The following FUT8 variants were observed in gnomAD, a reference collection of about 807,000 sequenced individuals.
The protein encoded by FUT8 is fucosyltransferase 8, also known as alpha-(1,6)-fucosyltransferase.
In FUT8, 29 loss-of-function variants were observed where a neutral mutation model predicts 71.3. The ratio of observed to expected loss-of-function variants is 0.41; its 90% CI spans 0.30 to 0.55. FUT8 has a LOEUF of 0.55. FUT8 is among the 20% of genes least tolerant of loss of function. FUT8 has a pLI of 0.34. For missense variants in FUT8, 544 were observed against 702.1 expected (o/e 0.77, Z 2.55); for synonymous variants, 254 against 239.3 (o/e 1.06, Z -0.57).
chr14:65,585,978 G>A (rs1887358381), intron 3 of FUT8, among the ~76,000 whole-genome samples: 1 of 152,068 alleles, frequency 6.6e-6, no homozygotes, highest in Non-Finnish European at 1.5e-5. Flanking sequence ...ACAAGCAAGA[G>A]ATTAAAACAT....
the FUT8 span, among the ~76,000 whole-genome samples, chr14:65,363,549 G>A: frequency 1.3e-5 from 2 of 152,118 alleles, no homozygotes; most frequent in Non-Finnish European, 2.9e-5. Flanking sequence ...GAGCCACTGC[G>A]CCCGGCCAGG....
At chr14:65,711,470 G>A (rs1229627438) in intron 7 of FUT8, among the ~76,000 whole-genome samples, 1 of 151,830 alleles carries the variant, frequency 6.6e-6, no homozygotes, top group African/African-American at 2.4e-5. Context: ...ATGAGACTAG[G>A]GTTTTCCTTC....
intron 1 of FUT8, among the ~76,000 whole-genome samples, chr14:65,419,208 C>G (rs915106679): frequency 6.6e-6 from 1 of 151,928 alleles, no homozygotes; most frequent in Non-Finnish European, 1.5e-5. Context: ...TGCAGTGAGC[C>G]GAGATCTTGC....
chr14:65,443,991 A>G (rs941370228), intron 1 of FUT8, among the ~76,000 whole-genome samples: 5 of 152,208 alleles, frequency 3.3e-5, no homozygotes, highest in African/African-American at 9.6e-5. Context: ...ATTTTAATTT[A>G]GTAAAACAAA....
chr14:65,684,206 T>C (rs1893169631), intron 7 of FUT8, among the ~76,000 whole-genome samples: 1 of 152,114 alleles, frequency 6.6e-6, no homozygotes, highest in African/African-American at 2.4e-5. Flanking sequence ...TCAGTACATA[T>C]TCCTCTGTAT....
the FUT8 span, among the ~76,000 whole-genome samples, chr14:65,359,159 T>C: frequency 6.6e-6 from 1 of 152,198 alleles, no homozygotes; most frequent in African/African-American, 2.4e-5. Context: ...GGGGTTTGTC[T>C]TACTGTTTTC....
At chr14:65,568,404 T>C (rs918723342) in intron 3 of FUT8, among the ~76,000 whole-genome samples, 1 of 151,710 alleles carries the variant, frequency 6.6e-6, no homozygotes, top group African/African-American at 2.4e-5. Context: ...TTATTTTCTT[T>C]TATGTCCTGG....
intron 3 of FUT8, among the ~76,000 whole-genome samples, chr14:65,596,507 G>A (rs1408582743): frequency 6.6e-6 from 1 of 152,110 alleles, no homozygotes; most frequent in Non-Finnish European, 1.5e-5. Flanking sequence ...TACATGATCA[G>A]CTATTTTAAT....
intron 5 of FUT8, among the ~76,000 whole-genome samples, chr14:65,625,718 G>A (rs768142656): frequency 1.1e-4 from 16 of 152,164 alleles, no homozygotes; most frequent in African/African-American, 3.4e-4. Context: ...CCAAAGCATC[G>A]TTCAAAGTTG....
At chr14:65,361,212 C>T in the FUT8 span, among the ~76,000 whole-genome samples, 23 of 151,852 alleles carry the variant, frequency 1.5e-4, no homozygotes, top group East Asian at 9.7e-4. Context: ...AAAAATTAGC[C>T]GGGCGTGGTG....
chr14:65,468,423 C>A, intron 2 of FUT8: 1 of 372,716 alleles, frequency 2.7e-6, no homozygotes, highest in Non-Finnish European at 4.9e-6. Flanking sequence ...CTAAATATTT[C>A]ACTTCACTCT....
At chr14:65,429,767 T>C (rs2065441556) in intron 1 of FUT8, among the ~76,000 whole-genome samples, 1 of 148,372 alleles carries the variant, frequency 6.7e-6, no homozygotes. Context: ...TGAGGCTGAG[T>C]TGGGAGGATC....
At chr14:65,426,158 C>T in intron 1 of FUT8, among the ~76,000 whole-genome samples, 1 of 152,102 alleles carries the variant, frequency 6.6e-6, no homozygotes, top group Admixed American at 6.5e-5. Flanking sequence ...TTCTCTGCTT[C>T]TATGAGTTCA....
At chr14:65,589,234 A>C (rs1246400162) in intron 3 of FUT8, among the ~76,000 whole-genome samples, 4 of 152,310 alleles carry the variant, frequency 2.6e-5, no homozygotes, top group Middle Eastern at 3.4e-3. Context: ...TCCTGATTTC[A>C]GTAGAAACTT....
intron 2 of FUT8, among the ~76,000 whole-genome samples, chr14:65,463,370 G>A (rs2065995765): frequency 6.6e-6 from 1 of 152,130 alleles, no homozygotes; most frequent in Admixed American, 6.5e-5. Context: ...TGGCTCAGGT[G>A]ATTCTCCCAC....
At chr14:65,692,261 C>T (rs1214121188) in intron 7 of FUT8, among the ~76,000 whole-genome samples, 8 of 143,510 alleles carry the variant, frequency 5.6e-5, no homozygotes, top group Admixed American at 1.4e-4. Context: ...CCAGATGGGG[C>T]GGCTGGCCGG....
At chr14:65,490,397 A>G (rs4902400) in intron 2 of FUT8, among the ~76,000 whole-genome samples, 53,456 of 151,952 alleles carry the variant, frequency 0.35, 11,649 homozygotes, top group Non-Finnish European at 0.49. Context: ...ACAGATACAC[A>G]TATATTTTAA....
Position 65,575,034 on chromosome 14 carries a change from A to G in FUT8, c.203+13268A>G, listed in dbSNP as rs1048389085. On this transcript the variant is annotated intron_variant, in intron 3 of 10. Coordinates refer to ENST00000673929, the MANE Select transcript of FUT8 (RefSeq NM_001371533.1). ...TTCTATGAAATGTTTTCTAATTCGT[A>G]TAAAGCGAATTCTTTTTCCTCTTCA... Among the ~76,000 whole-genome samples the G allele has an allele frequency of 1.3e-4, 20 of 152,010 alleles. 1 individual carries two copies. Among genetic ancestry groups the G allele is most frequent in the African/African-American group, 4.8e-4 (20 of 41,404 alleles).
chr14:65,452,368 C>T (rs1380975142), intron 1 of FUT8, among the ~76,000 whole-genome samples: 8 of 152,124 alleles, frequency 5.3e-5, no homozygotes, highest in South Asian at 2.1e-4. Flanking sequence ...AGACATTTGC[C>T]GTCAAGCAGC....
Sources: allele counts gnomAD v4.1 joint callset (sites outside exome capture counted in the v4.1 genomes callset), GRCh38; gene constraint gnomAD v4.1.1; transcripts MANE v1.5; gene names NCBI Gene and HGNC (gene_info 2026-07-23, HGNC 2026-07-21).